The following TOM1 variants were observed in gnomAD, a reference collection of about 807,000 sequenced individuals.
TOM1 encodes the protein target of Myb protein 1.
TOM1 carries 38 observed loss-of-function variants against 61.3 expected under a neutral mutation model. The observed-to-expected ratio is 0.62, with a 90% CI of 0.48 to 0.81. The LOEUF (loss-of-function observed/expected upper bound fraction) is 0.81, where lower values mean the gene tolerates loss of function less well. TOM1 is among the 40% of genes least tolerant of loss of function. The pLI, the probability that TOM1 is intolerant of heterozygous loss-of-function variation, is 0.00. For missense variants in TOM1, 591 were observed against 659.6 expected (o/e 0.90, Z 1.14); for synonymous variants, 270 against 268.8 (o/e 1.00, Z -0.04).
chr22:35,323,296 G>A lies in TOM1; in HGVS notation c.366+119G>A, dbSNP rs908202880. ...CAGGCTCCGCTTCTCATTTCGGGGC[G>A]TCTCGGTTGTCGGCTGGTGGGATGT... is the stretch of plus-strand genomic sequence containing the variant. On this transcript the variant is annotated intron_variant, in intron 4 of 14. Coordinates refer to ENST00000449058, the MANE Select transcript of TOM1 (RefSeq NM_005488.3). The surrounding 1 kb of genome is among the most constrained non-coding windows in gnomAD (Gnocchi z 4.2). 3.1e-5 allele frequency: 45 copies of A among 1,454,202 alleles called. 1 individual carries two copies. The highest frequency in any genetic ancestry group is 8.6e-5 in the African/African-American group (6 of 70,086). The allele number at this position is 1,454,202 out of a possible 1,614,324, so 90.1% of individuals were successfully genotyped here. A position where few individuals can be genotyped will look rare whatever the true frequency, so the allele number is the denominator to read the frequency against.
chr22:35,324,553 C>CT (rs1308634041), intron 6 of TOM1, among the ~76,000 whole-genome samples: 1 of 151,802 alleles, frequency 6.6e-6, no homozygotes, highest in Non-Finnish European at 1.5e-5. Context: ...AGGTCTGAAG[C>CT]TTTTTTGTTT....
At chr22:35,319,690 G>A (rs1927604998) in intron 2 of TOM1, among the ~76,000 whole-genome samples, 2 of 152,196 alleles carry the variant, frequency 1.3e-5, no homozygotes, top group African/African-American at 4.8e-5. Flanking sequence ...TAGAAGAGGT[G>A]GAAAGAAGTC....
chr22:35,314,433 C>T (rs1178059204), intron 1 of TOM1, among the ~76,000 whole-genome samples: 1 of 151,646 alleles, frequency 6.6e-6, no homozygotes, highest in Non-Finnish European at 1.5e-5. Flanking sequence ...TGGGTCACAT[C>T]AGACTCATGC....
intron 1 of TOM1, among the ~76,000 whole-genome samples, chr22:35,311,433 A>C (rs1447482831): frequency 6.6e-6 from 1 of 152,214 alleles, no homozygotes; most frequent in Non-Finnish European, 1.5e-5. Flanking sequence ...CGATGTCTCA[A>C]AACAGCCAGA....
intron 10 of TOM1, among the ~76,000 whole-genome samples, chr22:35,333,918 C>T (rs1601703577): frequency 6.6e-6 from 1 of 152,184 alleles, no homozygotes; most frequent in Non-Finnish European, 1.5e-5. Flanking sequence ...TCACTGTTAT[C>T]ACTGTGATAG....
intron 7 of TOM1, among the ~76,000 whole-genome samples, chr22:35,328,489 C>T (rs1928532484): frequency 6.6e-6 from 1 of 152,240 alleles, no homozygotes; most frequent in African/African-American, 2.4e-5. Flanking sequence ...GATCAGATAA[C>T]ACGTCCAGGG....
intron 3 of TOM1, chr22:35,322,243 C>A: frequency 1.7e-6 from 1 of 574,714 alleles, no homozygotes; most frequent in Non-Finnish European, 3.1e-6. Flanking sequence ...AATCCCCCAG[C>A]ATGGGAACAG....
chr22:35,304,495 A>T (rs138747), intron 1 of TOM1, among the ~76,000 whole-genome samples: 76,784 of 151,646 alleles, frequency 0.51, 22,113 homozygotes, highest in Non-Finnish European at 0.64. Flanking sequence ...TTTGTTTTTT[A>T]TGAGACAGAG....
In TOM1 at chr22:35,347,160, C is replaced by A; in HGVS notation, c.1430C>A (p.Pro477His). The part of the protein sequence containing the change: ...GPPGPPSGPA[P>H]RKKTQEKDDD... ...CCGGGTCCCCCATCTGGCCCAGCGC[C>A]CCGGAAGAAGACCCAGGAGAAAGAT... Residue 477 changes from proline to histidine, a missense_variant, in exon 15 of 15, where the codon CCC (proline) becomes CAC (histidine). Physicochemically the swap from Pro to His is moderately conservative, Grantham distance 77. Coordinates refer to ENST00000449058, the MANE Select transcript of TOM1 (RefSeq NM_005488.3). 6.2e-7 allele frequency: 1 copy of A among 1,613,254 alleles called. No homozygotes were observed. Among genetic ancestry groups the A allele is most frequent in the South Asian group, 1.1e-5 (1 of 91,024 alleles).
In TOM1 at chr22:35,323,262, T is replaced by C; in HGVS notation, c.366+85T>C. On this transcript the variant is annotated intron_variant, in intron 4 of 14. Coordinates refer to ENST00000449058, the MANE Select transcript of TOM1 (RefSeq NM_005488.3). The surrounding 1 kb of genome is among the most constrained non-coding windows in gnomAD (Gnocchi z 4.2). ...GCCCAGTGGAGAGTCGAGGCCATCG[T>C]GTTTGTCCCAGGCTCCGCTTCTCAT... 4.6e-6 allele frequency: 7 copies of C among 1,536,924 alleles called. No homozygotes were observed. The highest frequency in any genetic ancestry group is 6.1e-6 in the Non-Finnish European group (7 of 1,139,330).
At chr22:35,315,458 G>C (rs948474559) in intron 1 of TOM1, among the ~76,000 whole-genome samples, 1 of 152,176 alleles carries the variant, frequency 6.6e-6, no homozygotes, top group African/African-American at 2.4e-5. Context: ...GGCCCGCTCT[G>C]TTCTTCCCAG....
At chr22:35,309,099 A>T (rs1408839220) in intron 1 of TOM1, among the ~76,000 whole-genome samples, 1 of 152,202 alleles carries the variant, frequency 6.6e-6, no homozygotes, top group Non-Finnish European at 1.5e-5. Flanking sequence ...TGAAATTCTC[A>T]ATCATGTTGT....
At chr22:35,315,186 G>A (rs559925778) in intron 1 of TOM1, among the ~76,000 whole-genome samples, 55 of 152,226 alleles carry the variant, frequency 3.6e-4, no homozygotes, top group East Asian at 1.9e-4. Context: ...GATGGTGGCC[G>A]GGCTGGGGCA....
intron 8 of TOM1, among the ~76,000 whole-genome samples, chr22:35,332,487 A>G (rs1479234273): frequency 6.6e-6 from 1 of 152,146 alleles, no homozygotes; most frequent in Non-Finnish European, 1.5e-5. Flanking sequence ...CAGACCCCAC[A>G]CTAAAGTCTT....
intron 1 of TOM1, among the ~76,000 whole-genome samples, chr22:35,310,622 G>A (rs1273696480): frequency 6.6e-6 from 1 of 152,226 alleles, no homozygotes; most frequent in Non-Finnish European, 1.5e-5. Context: ...AGCTAGTAAG[G>A]GATCAATGAG....
chr22:35,321,333 G>C (rs1396342092), intron 2 of TOM1, among the ~76,000 whole-genome samples: 1 of 151,968 alleles, frequency 6.6e-6, no homozygotes, highest in African/African-American at 2.4e-5. Context: ...TGGGGACCTA[G>C]GGTTCTGCTT....
intron 12 of TOM1, among the ~76,000 whole-genome samples, chr22:35,339,731 C>T (rs1929709251): frequency 6.6e-6 from 1 of 152,044 alleles, no homozygotes; most frequent in Non-Finnish European, 1.5e-5. Context: ...GGTGAAACCC[C>T]GTCTCTACTA....
chr22:35,308,327 A>G (rs1469549555), intron 1 of TOM1, among the ~76,000 whole-genome samples: 2 of 131,936 alleles, frequency 1.5e-5, no homozygotes, highest in African/African-American at 5.9e-5. Flanking sequence ...TCTGTTTCCC[A>G]GGCTGGAGTG....
intron 1 of TOM1, among the ~76,000 whole-genome samples, 154 bp downstream of exon 1, chr22:35,300,134 C>A (rs1305546627): frequency 1.3e-5 from 2 of 152,276 alleles, no homozygotes; most frequent in Non-Finnish European, 2.9e-5. Flanking sequence ...TTTCCTCCCA[C>A]TCTTGATTGA....
Sources: allele counts gnomAD v4.1 joint callset (sites outside exome capture counted in the v4.1 genomes callset), GRCh38; gene constraint gnomAD v4.1.1; non-coding constraint Gnocchi (gnomAD v3.1); transcripts MANE v1.5; gene names NCBI Gene and HGNC (gene_info 2026-07-23, HGNC 2026-07-21).